ASZ1: variants seen among roughly 807,000 people sequenced by gnomAD.
ASZ1 encodes ankyrin repeat, SAM and basic leucine zipper domain-containing protein 1.
ASZ1 carries 67 observed loss-of-function variants against 61.8 expected under a neutral mutation model. The ratio of observed to expected loss-of-function variants is 1.08; its 90% CI spans 0.89 to 1.33. ASZ1 has a LOEUF of 1.33. Among genes scored for constraint, ASZ1 ranks in the 40% most tolerant of loss-of-function variants. The pLI is 0.00. For missense variants in ASZ1, 577 were observed against 554.5 expected, an observed-to-expected ratio of 1.04 and a Z score of -0.41; for synonymous variants, 193 against 192.7, an observed-to-expected ratio of 1.00 and a Z score of -0.01.
intron 1 of ASZ1, 130 bp from the exon 2 acceptor site, chr7:117,427,065 T>C (rs978441662): frequency 2.8e-5 from 29 of 1,045,176 alleles, no homozygotes; most frequent in Non-Finnish European, 3.5e-5. Context: ...GATACAAAGT[T>C]TGAAAAGAAT....
At position 117,395,302 on chromosome 7, in the gene ASZ1, A is replaced by G. The variant is rs56737529; in HGVS notation, c.441-9493T>C. ...AAGGGCAAGACTTTAGCATATTCTC[A>G]GTTTAAGAGCTTGAATTCATAAGCC... is the stretch of plus-strand genomic sequence containing the variant. On this transcript the variant is annotated intron_variant, in intron 4 of 12. Coordinates refer to ENST00000284629, the MANE Select transcript of ASZ1 (RefSeq NM_130768.3). Among the ~76,000 whole-genome samples, 1,126 of 152,282 alleles carry G rather than the reference A, an allele frequency of 7.4e-3. 16 individuals carry two copies. Among genetic ancestry groups the G allele is most frequent in the African/African-American group, 0.026 (1,068 of 41,566 alleles).
intron 8 of ASZ1, among the ~76,000 whole-genome samples, chr7:117,381,410 T>G (rs1161959683): frequency 1.3e-5 from 2 of 152,106 alleles, no homozygotes; most frequent in Non-Finnish European, 1.5e-5. Context: ...TAAACCAACA[T>G]GTAGTTTTAC....
chr7:117,407,558 T>C (rs1388513522), intron 4 of ASZ1, among the ~76,000 whole-genome samples: 1 of 152,180 alleles, frequency 6.6e-6, no homozygotes, highest in Non-Finnish European at 1.5e-5. Flanking sequence ...TGAAAAAATT[T>C]AATTTGCAAA....
At chr7:117,380,136 T>A in intron 9 of ASZ1, 89 bp from the exon 10 acceptor site, 1 of 814,072 alleles carries the variant, frequency 1.2e-6, no homozygotes, top group Non-Finnish European at 2.0e-6. Flanking sequence ...TCTTGATGAA[T>A]TCACATCTTG....
At chr7:117,369,057 G>C (rs1795999872) in intron 10 of ASZ1, among the ~76,000 whole-genome samples, 1 of 152,060 alleles carries the variant, frequency 6.6e-6, no homozygotes, top group African/African-American at 2.4e-5. Flanking sequence ...TATTTCTTTT[G>C]ATTTTTCCTA....
At chr7:117,423,279 C>A (rs1225890447) in intron 2 of ASZ1, among the ~76,000 whole-genome samples, 1 of 151,464 alleles carries the variant, frequency 6.6e-6, no homozygotes, top group Non-Finnish European at 1.5e-5. Context: ...TGTATAAACA[C>A]CGGGTCACTG....
At position 117,385,792 on chromosome 7, in the gene ASZ1, A is replaced by C. The variant is rs1796343771; in HGVS notation, c.458T>G (p.Ile153Ser). The C allele has an allele frequency of 6.2e-7, 1 of 1,612,948 alleles. No homozygotes were observed. The highest frequency in any genetic ancestry group is 8.5e-7 in the Non-Finnish European group (1 of 1,179,260). Reference protein sequence around the residue: ...NVACRRLMTPIMYAARDGHTQ... With the variant: ...NVACRRLMTPSMYAARDGHTQ... ...GTGACCATCTCGAGCAGCATACATGATTGGGGTCATAAGTCTCCTAAGGAG... is the reference window on the plus strand; with the variant it reads ...GTGACCATCTCGAGCAGCATACATGCTTGGGGTCATAAGTCTCCTAAGGAG... Residue 153 changes from isoleucine to serine, a missense_variant, in exon 5 of 13, where the codon ATC (isoleucine) becomes AGC (serine). Ile to Ser is a moderately radical substitution (Grantham distance 142). Coordinates refer to ENST00000284629, the MANE Select transcript of ASZ1 (RefSeq NM_130768.3).
chr7:117,426,501 A>AAG (rs1428426781), intron 2 of ASZ1, among the ~76,000 whole-genome samples: 4 of 150,400 alleles, frequency 2.7e-5, no homozygotes, highest in Non-Finnish European at 4.4e-5. Context: ...AAAAAAAAAA[A>AAG]AAAAAAAAAG....
chr7:117,425,351 C>T (rs554780406), intron 2 of ASZ1, among the ~76,000 whole-genome samples: 8 of 146,892 alleles, frequency 5.4e-5, no homozygotes, highest in South Asian at 4.4e-4. Flanking sequence ...CTGCAAGCTC[C>T]GCCTCCCGGG....
intron 4 of ASZ1, among the ~76,000 whole-genome samples, chr7:117,390,441 T>C (rs554042693): frequency 6.6e-6 from 1 of 152,276 alleles, no homozygotes; most frequent in East Asian, 1.9e-4. Context: ...AGGGCTGGGA[T>C]TATGGGCATG....
At chr7:117,419,041 C>A (rs1797051957) in intron 4 of ASZ1, among the ~76,000 whole-genome samples, 1 of 152,120 alleles carries the variant, frequency 6.6e-6, no homozygotes, top group South Asian at 2.1e-4. Context: ...CCACTCAATA[C>A]ATCTTGGCCC....
intron 9 of ASZ1, 31 bp from the exon 10 acceptor site, chr7:117,380,078 G>T: frequency 7.2e-7 from 1 of 1,391,404 alleles, no homozygotes; most frequent in East Asian, 2.3e-5. Flanking sequence ...GGTACAGTAA[G>T]TTAGTTATAC....
chr7:117,416,340 A>G (rs539335784), intron 4 of ASZ1, among the ~76,000 whole-genome samples: 2 of 152,342 alleles, frequency 1.3e-5, no homozygotes, highest in African/African-American at 4.8e-5. Flanking sequence ...GAGCCTAAAT[A>G]CTTTAAAATT....
rs755505393 is a variant in ASZ1 at position 117,369,913 on chromosome 7, A to C, written c.1056-1196T>G. ...ATGATTTTGGGCAAGAATAATCTTAAGCCAAATGTTTCCGTATCTCTAGAA... is the reference window on the plus strand; with the variant it reads ...ATGATTTTGGGCAAGAATAATCTTACGCCAAATGTTTCCGTATCTCTAGAA... On this transcript the variant is annotated intron_variant, in intron 10 of 12. Coordinates refer to ENST00000284629, the MANE Select transcript of ASZ1 (RefSeq NM_130768.3). 2.5e-4 allele frequency among the ~76,000 whole-genome samples: 38 copies of C among 152,192 alleles called. 1 individual carries two copies. The highest frequency in any genetic ancestry group is 4.7e-4 in the Non-Finnish European group (32 of 68,028).
At position 117,427,347 on chromosome 7, in the gene ASZ1, C is replaced by T; in HGVS notation, c.105+9G>A. The T allele has an allele frequency of 1.9e-6, 3 of 1,614,122 alleles. No homozygotes were observed. The highest frequency in any genetic ancestry group is 1.7e-5 in the Admixed American group (1 of 60,030). On this transcript the variant is annotated intron_variant, in intron 1 of 12. Transcript: ENST00000284629. Reference sequence around the variant, plus strand: ...CCAGGTGTGGTCAAGACAAGGCCTCCTCCGCTACCTGAGACGTCCGGTCGA... The same window carrying T: ...CCAGGTGTGGTCAAGACAAGGCCTCTTCCGCTACCTGAGACGTCCGGTCGA...
chr7:117,420,282 G>T lies in ASZ1; in HGVS notation c.329-8C>A. The T allele has an allele frequency of 6.3e-7, 1 of 1,595,440 alleles. No homozygotes were observed. Among genetic ancestry groups the T allele is most frequent in the Non-Finnish European group, 8.6e-7 (1 of 1,168,348 alleles). On this transcript the variant is annotated splice_polypyrimidine_tract_variant and splice_region_variant and intron_variant, in intron 3 of 12. Transcript: ENST00000284629. The stretch of plus-strand genomic sequence containing the variant: ...TCAAAATACTTTGCTTATCTATAGT[G>T]AATAGAAAAGTGAGGAAAAATCCCC...
intron 4 of ASZ1, 21 bp downstream of exon 4, chr7:117,420,142 A>T (rs1797073015): frequency 6.5e-7 from 1 of 1,543,382 alleles, no homozygotes; most frequent in Admixed American, 1.9e-5. Context: ...TTGAATTTTG[A>T]ACAGATATAA....
In ASZ1 at chr7:117,383,038, T is replaced by C. The variant is rs139605544; in HGVS notation, c.760A>G (p.Ile254Val). The C allele has an allele frequency of 4.4e-6, 7 of 1,590,686 alleles. No homozygotes were observed. Among genetic ancestry groups the C allele is most frequent in the African/African-American group, 1.4e-5 (1 of 73,764 alleles). The stretch of plus-strand genomic sequence containing the variant: ...GAATCTGTTGTCAATATTTTACAAA[T>C]AGTGTCTTCTTTAGTTAGCTGTTGA... The part of the protein sequence containing the change: ...KLQQLTKEDT[I>V]CKILTTDSDR... The change falls in exon 7 of 13, where the codon ATT (isoleucine) becomes GTT (valine). Residue 254 changes from isoleucine to valine, a missense_variant. Transcript: ENST00000284629.
intron 12 of ASZ1, among the ~76,000 whole-genome samples, chr7:117,366,700 A>G (rs115906266): frequency 2.0e-5 from 3 of 151,952 alleles, no homozygotes; most frequent in Admixed American, 2.0e-4. Context: ...AAAGAAGTCC[A>G]TACTCTTTAG....
Sources: allele counts gnomAD v4.1 joint callset (sites outside exome capture counted in the v4.1 genomes callset), GRCh38; gene constraint gnomAD v4.1.1; transcripts MANE v1.5; gene names NCBI Gene and HGNC (gene_info 2026-07-23, HGNC 2026-07-21).